Variants in HERC1 observed in about 807,000 individuals in gnomAD.
The protein encoded by HERC1 is probable E3 ubiquitin-protein ligase HERC1.
In HERC1, 160 loss-of-function variants were observed where a neutral mutation model predicts 554.3. The ratio of observed to expected loss-of-function variants is 0.29; its 90% CI spans 0.25 to 0.33. The LOEUF (loss-of-function observed/expected upper bound fraction) is 0.33, where lower values mean the gene tolerates loss of function less well. Among genes scored for constraint, HERC1 ranks in the 10% least tolerant of loss-of-function variants. The probability of loss-of-function intolerance (pLI) is 1.00; values close to 1 mark genes in which losing one functional copy is unlikely to be tolerated. For missense variants in HERC1, 4,919 were observed against 5,918.5 expected, an observed-to-expected ratio of 0.83 and a Z score of 5.54; for synonymous variants, 2,175 against 2,131.7, an observed-to-expected ratio of 1.02 and a Z score of -0.56.
Position 63,632,734 on chromosome 15 carries a change from A to G in HERC1, c.12771T>C (p.Asp4257=), listed in dbSNP as rs767620431. ...CTTGACCAAAGGTATACACATGACC[A>G]TCTTTGGTCAAAGCAACAGAAAACT... The part of the protein sequence containing the change: ...GTQFSVALTK[D]GHVYTFGQDR... Residue 4257 remains aspartate (D), a synonymous_variant, in exon 68 of 78, where the codon GAT becomes GAC. Transcript: ENST00000443617. 6.4e-7 allele frequency: 1 copy of G among 1,563,744 alleles called. No homozygotes were observed. Among genetic ancestry groups the G allele is most frequent in the Admixed American group, 1.9e-5 (1 of 52,400 alleles).
chr15:63,709,302 G>A (rs7177295), intron 24 of HERC1, among the ~76,000 whole-genome samples: 40,803 of 151,886 alleles, frequency 0.27, 6,083 homozygotes, highest in Middle Eastern at 0.38. Context: ...GAGCCACTGC[G>A]CCTGGCCCAA....
At chr15:63,724,586 TTTGTC>T (rs1396902291) in intron 18 of HERC1, among the ~76,000 whole-genome samples, 1 of 152,228 alleles carries the variant, frequency 6.6e-6, no homozygotes, top group Admixed American at 6.5e-5. Context: ...GTTGAGTCTC[TTTGTC>T]TTATCAGAGA....
At chr15:63,738,780 C>T (rs1056215335) in intron 12 of HERC1, among the ~76,000 whole-genome samples, 3 of 152,114 alleles carry the variant, frequency 2.0e-5, no homozygotes, top group Non-Finnish European at 2.9e-5. Flanking sequence ...GTCAAAGAGA[C>T]CCAAAGAATA....
chr15:63,764,935 TCTTG>T (rs1421184218), intron 2 of HERC1, among the ~76,000 whole-genome samples: 1 of 152,124 alleles, frequency 6.6e-6, no homozygotes, highest in Non-Finnish European at 1.5e-5. Flanking sequence ...CCTTCTAGGG[TCTTG>T]CTCTGTTGCC....
Position 63,713,543 on chromosome 15 carries a change from G to C in HERC1, c.4273C>G (p.Arg1425Gly). 2 of 1,613,938 alleles carry C rather than the reference G, an allele frequency of 1.2e-6. No individual in the cohort carries two copies. The highest frequency in any genetic ancestry group is 1.7e-6 in the Non-Finnish European group (2 of 1,179,876). ...TCAGGAAGGTCTGTGCTGACCCTTC[G>C]CTCTTGCTGAGACTGAGGAGGTGGA... is the stretch of plus-strand genomic sequence containing the variant. ...DDPPPQSQQERRVSTDLPEGQ... is the reference protein window; with the variant it reads ...DDPPPQSQQEGRVSTDLPEGQ... Residue 1425 changes from arginine (R) to glycine (G), a missense_variant, in exon 23 of 78, where the codon CGA becomes GGA. Transcript: ENST00000443617.
chr15:63,825,770 T>A (rs1159854862), intron 1 of HERC1, among the ~76,000 whole-genome samples: 173 of 150,226 alleles, frequency 1.2e-3, no homozygotes, highest in Middle Eastern at 3.5e-3. Context: ...AAATAATAAT[T>A]TTTTTTTTTT....
chr15:63,746,873 A>G lies in HERC1; in HGVS notation c.2520+45T>C, dbSNP rs185391460. The G allele has an allele frequency of 2.8e-4, 417 of 1,495,780 alleles. 1 individual carries two copies. The African/African-American group carries it at 5.1e-3, about 18-fold the overall frequency. 92.7% of individuals were successfully genotyped at this position (1,495,780 alleles called of 1,614,324 possible). On this transcript the variant is annotated intron_variant, in intron 12 of 77. Coordinates refer to ENST00000443617, the MANE Select transcript of HERC1 (RefSeq NM_003922.4). ...ATATTGTATAGCTAAAATCTCAGAGAAAGACGTGGTTTGAGATACAGATTC... is the reference window on the plus strand; with the variant it reads ...ATATTGTATAGCTAAAATCTCAGAGGAAGACGTGGTTTGAGATACAGATTC...
At chr15:63,646,230 T>A (rs1336203603) in intron 55 of HERC1, among the ~76,000 whole-genome samples, 2 of 152,214 alleles carry the variant, frequency 1.3e-5, no homozygotes, top group South Asian at 4.1e-4. Flanking sequence ...TGTAAATATC[T>A]GAACTGGCAA....
At chr15:63,713,241 T>G (rs2073392997) in intron 23 of HERC1, 112 bp downstream of exon 23, 1 of 887,918 alleles carries the variant, frequency 1.1e-6, no homozygotes, top group Non-Finnish European at 1.7e-6. Flanking sequence ...ATTTCTTCTT[T>G]CATGTCTATG....
intron 1 of HERC1, among the ~76,000 whole-genome samples, chr15:63,831,097 GTTGT>G (rs753113798): frequency 1.3e-5 from 2 of 152,120 alleles, no homozygotes; most frequent in Non-Finnish European, 2.9e-5. Context: ...GACCTTTGTT[GTTGT>G]TTGTTTTGTT....
At chr15:63,820,193 T>A (rs111776050) in intron 1 of HERC1, among the ~76,000 whole-genome samples, 599 of 152,266 alleles carry the variant, frequency 3.9e-3, no homozygotes, top group Middle Eastern at 0.02. Context: ...AGTGTGCTAG[T>A]GTTATTCCTT....
rs1457186123 is a variant in HERC1, at chr15:63,775,718, CTTACA to C, written c.-26-74_-26-70del. 1 of 1,039,416 alleles carries C rather than the reference CTTACA, an allele frequency of 9.6e-7. No individual in the cohort carries two copies. The highest frequency in any genetic ancestry group is 1.6e-5 in the African/African-American group (1 of 62,494). The allele number at this position is 1,039,416 out of a possible 1,614,324, so 64.4% of individuals were successfully genotyped here. A position where few individuals can be genotyped will look rare whatever the true frequency, so the allele number is the denominator to read the frequency against. ...TCATAAAATGTTTCCAAAATTTCAT[CTTACA>C]TTACAATTAATGATTTCAAACTGGT... On this transcript the variant is annotated intron_variant, in intron 1 of 77. Transcript: ENST00000443617. This position sits in a 1 kb window ranked among gnomAD's most constrained non-coding sequence, Gnocchi z 4.0.
At chr15:63,625,827 C>G (rs2068279200) in intron 71 of HERC1, 158 bp downstream of exon 71, 1 of 791,382 alleles carries the variant, frequency 1.3e-6, no homozygotes, top group Admixed American at 2.0e-5. Flanking sequence ...TAGACTGTCC[C>G]TAACACAGCA....
In HERC1 at chr15:63,677,296, G is replaced by T. The variant is rs1410339915; in HGVS notation, c.7070+549C>A. Among the ~76,000 whole-genome samples, 1 of 152,194 alleles carries T rather than the reference G, an allele frequency of 6.6e-6. No individual in the cohort carries two copies. Among genetic ancestry groups the T allele is most frequent in the Non-Finnish European group, 1.5e-5 (1 of 68,032 alleles). On this transcript the variant is annotated intron_variant, in intron 37 of 77. Coordinates refer to ENST00000443617, the MANE Select transcript of HERC1 (RefSeq NM_003922.4). The surrounding 1 kb of genome is among the most constrained non-coding windows in gnomAD (Gnocchi z 4.4). ...ACACCTAAATGCTTTTAAATACCCA[G>T]TTTGTGTTAAATAAATGTAACTTTC...
chr15:63,609,331 C>T, intron 77 of HERC1, 65 bp from the exon 78 acceptor site: 1 of 1,378,866 alleles, frequency 7.3e-7, no homozygotes, highest in Non-Finnish European at 9.8e-7. Context: ...AGTGGGGCTG[C>T]CCATGACCTC....
intron 74 of HERC1, 65 bp downstream of exon 74, chr15:63,622,750 A>T (rs1284003897): frequency 8.1e-7 from 1 of 1,237,162 alleles, no homozygotes; most frequent in Non-Finnish European, 1.1e-6. Context: ...CATAGTAAGC[A>T]CTCAATAAAT....
At chr15:63,652,796 A>AC (rs1390832451) in intron 51 of HERC1, among the ~76,000 whole-genome samples, 1 of 152,092 alleles carries the variant, frequency 6.6e-6, no homozygotes, top group Non-Finnish European at 1.5e-5. Context: ...GATTACAGGC[A>AC]CGTGCCACCA....
chr15:63,718,475 G>T lies in HERC1; in HGVS notation c.3978+99C>A. On this transcript the variant is annotated intron_variant, in intron 21 of 77. Transcript: ENST00000443617. The surrounding 1 kb of genome is among the most constrained non-coding windows in gnomAD (Gnocchi z 4.2). The stretch of plus-strand genomic sequence containing the variant: ...ACTACTCAACATGTATTGAACATAT[G>T]CAATAACCAAGGCACATTTTTTTCT... 2 of 1,136,732 alleles carry T rather than the reference G, an allele frequency of 1.8e-6. No homozygotes were observed. Among genetic ancestry groups the T allele is most frequent in the Non-Finnish European group, 2.4e-6 (2 of 818,810 alleles). The allele number at this position is 1,136,732 out of a possible 1,614,324, so 70.4% of individuals were successfully genotyped here. A position where few individuals can be genotyped will look rare whatever the true frequency, so the allele number is the denominator to read the frequency against.
At chr15:63,833,751 G>GCACACACACA (rs1327103352) in intron 1 of HERC1, 76 bp downstream of exon 1, 21 of 72,336 alleles carry the variant, frequency 2.9e-4, no homozygotes, top group African/African-American at 5.1e-4. Context: ...ACACGCGCGC[G>GCACACACACA]CGCACACACA....
Sources: gnomAD v4.1 joint callset for allele counts (sites outside exome capture counted in the v4.1 genomes callset) on GRCh38, gnomAD v4.1.1 for gene constraint, Gnocchi (gnomAD v3.1) non-coding constraint, MANE v1.5 for transcripts, NCBI Gene and HGNC (gene_info 2026-07-23, HGNC 2026-07-21) for gene names.